Variants in PCDHA12 observed in about 807,000 individuals in gnomAD.
PCDHA12 encodes protocadherin alpha 12, also known as protocadherin alpha-12.
In PCDHA12, 44 loss-of-function variants were observed where a neutral mutation model predicts 60.0. The observed-to-expected ratio is 0.73, with a 90% confidence interval of 0.58 to 0.94. The LOEUF (loss-of-function observed/expected upper bound fraction) is 0.94, where lower values mean the gene tolerates loss of function less well. PCDHA12 is among the 40% of genes least tolerant of loss of function. The pLI is 0.00. For synonymous variants in PCDHA12, 569 were observed against 553.0 expected, an observed-to-expected ratio of 1.03 and a Z score of -0.40; for missense variants, 1,276 against 1,239.7, an observed-to-expected ratio of 1.03 and a Z score of -0.44.
intron 1 of PCDHA12, among the ~76,000 whole-genome samples, chr5:140,933,130 A>G (rs2088870055): frequency 6.6e-6 from 1 of 151,994 alleles, no homozygotes; most frequent in Non-Finnish European, 1.5e-5. Context: ...CTAAATAATA[A>G]AGGTAGATAG....
At position 140,878,940 on chromosome 5, in the gene PCDHA12, A is replaced by G. The variant is rs554609702; in HGVS notation, c.2367+1101A>G. ...CTTCAATCAATAATTTTAAATAAATATATGGTATTGAAATGTATTACCTGG... is the reference window on the plus strand; with the variant it reads ...CTTCAATCAATAATTTTAAATAAATGTATGGTATTGAAATGTATTACCTGG... On this transcript the variant is annotated intron_variant, in intron 1 of 3. Transcript: ENST00000398631. 9.8e-5 allele frequency among the ~76,000 whole-genome samples: 15 copies of G among 152,366 alleles called. No individual in the cohort carries two copies. In the East Asian group the frequency reaches 2.3e-3, roughly 23 times the overall value.
chr5:140,908,270 G>A (rs1554193271), intron 1 of PCDHA12, among the ~76,000 whole-genome samples: 1 of 152,154 alleles, frequency 6.6e-6, no homozygotes, highest in African/African-American at 2.4e-5. Context: ...AACTCCCCAT[G>A]AGGCCATTGT....
At chr5:140,936,662 CT>C (rs1337986057) in intron 1 of PCDHA12, among the ~76,000 whole-genome samples, 1 of 152,178 alleles carries the variant, frequency 6.6e-6, no homozygotes, top group Non-Finnish European at 1.5e-5. Context: ...TATTCTGTTT[CT>C]GGACTGTCTA....
At chr5:140,980,842 T>C (rs376646751) in intron 2 of PCDHA12, among the ~76,000 whole-genome samples, 2 of 152,328 alleles carry the variant, frequency 1.3e-5, no homozygotes, top group Non-Finnish European at 2.9e-5. Flanking sequence ...ACCTAAATAA[T>C]ACTAATCTTT....
chr5:140,920,583 C>A (rs1287573835), intron 1 of PCDHA12, among the ~76,000 whole-genome samples: 1 of 152,106 alleles, frequency 6.6e-6, no homozygotes, highest in African/African-American at 2.4e-5. Context: ...CAGTGGCTCA[C>A]GCCTGTAATC....
intron 1 of PCDHA12, chr5:140,882,774 C>T (rs782785084): frequency 1.2e-6 from 2 of 1,614,228 alleles, no homozygotes; most frequent in Non-Finnish European, 1.7e-6. Flanking sequence ...TCGGCATTGA[C>T]CTACCGACTG....
At chr5:140,909,870 C>T (rs2074741279) in intron 1 of PCDHA12, among the ~76,000 whole-genome samples, 1 of 152,206 alleles carries the variant, frequency 6.6e-6, no homozygotes. Context: ...GAGTCAACGT[C>T]AGCTTAGAGA....
chr5:140,982,488 G>C lies in PCDHA12; in HGVS notation c.2440G>C (p.Glu814Gln), dbSNP rs782419098. 3 of 1,614,212 alleles carry C rather than the reference G, an allele frequency of 1.9e-6. No individual in the cohort carries two copies. Among genetic ancestry groups the C allele is most frequent in the Non-Finnish European group, 2.5e-6 (3 of 1,180,036 alleles). The change falls in exon 3 of 4, where the codon GAG becomes CAG. Residue 814 changes from glutamate to glutamine, a missense_variant. Glu to Gln is a conservative substitution (Grantham distance 29). Coordinates refer to ENST00000398631, the MANE Select transcript of PCDHA12 (RefSeq NM_018903.4). ...RAGMHSSVHLEEAGILRAGPG... is the reference protein window; with the variant it reads ...RAGMHSSVHLQEAGILRAGPG... The stretch of plus-strand genomic sequence containing the variant: ...GTGTTTATTCAGCTCTGTGCACCTA[G>C]AGGAGGCTGGCATTCTACGGGCTGG...
chr5:140,930,824 T>C (rs545304113), intron 1 of PCDHA12, among the ~76,000 whole-genome samples: 16 of 152,342 alleles, frequency 1.1e-4, no homozygotes, highest in African/African-American at 3.8e-4. Context: ...TAGTAAATGC[T>C]GACTGAATGA....
chr5:140,980,981 A>G (rs1255751936), intron 2 of PCDHA12, among the ~76,000 whole-genome samples: 1 of 152,188 alleles, frequency 6.6e-6, no homozygotes, highest in Non-Finnish European at 1.5e-5. Context: ...GACTGAGCCC[A>G]CACAATTTGC....
At chr5:140,944,629 A>G (rs1371756120) in intron 1 of PCDHA12, among the ~76,000 whole-genome samples, 3 of 152,172 alleles carry the variant, frequency 2.0e-5, no homozygotes, top group African/African-American at 7.2e-5. Context: ...ATAGTGTTGT[A>G]AGCCAGTGTG....
At position 140,927,644 on chromosome 5, in the gene PCDHA12, T is replaced by C. The variant is rs370145398; in HGVS notation, c.2367+49805T>C. On this transcript the variant is annotated intron_variant, in intron 1 of 3. Coordinates refer to ENST00000398631, the MANE Select transcript of PCDHA12 (RefSeq NM_018903.4). The stretch of plus-strand genomic sequence containing the variant: ...CCAGAGACTGCACCCAATGGGACTG[T>C]GTTATTCCGAGTTCAAGCCTTGGAT... The C allele has an allele frequency of 4.6e-5, 74 of 1,614,028 alleles. 1 individual carries two copies. Among genetic ancestry groups the C allele is most frequent in the Non-Finnish European group, 5.8e-5 (68 of 1,180,020 alleles).
Position 140,883,198 on chromosome 5 carries a change from C to G in PCDHA12, c.2367+5359C>G, listed in dbSNP as rs145698462. 1.9e-6 allele frequency: 3 copies of G among 1,613,572 alleles called. No individual in the cohort carries two copies. Among genetic ancestry groups the G allele is most frequent in the Admixed American group, 1.7e-5 (1 of 59,932 alleles). On this transcript the variant is annotated intron_variant, in intron 1 of 3. Transcript: ENST00000398631. ...TTAGGACAAAAGGCAAACTAGATTT[C>G]GAAGAAAAGAAATTATATGAAATAT...
chr5:140,968,029 G>C (rs1554230214), intron 1 of PCDHA12: 4 of 1,614,170 alleles, frequency 2.5e-6, no homozygotes, highest in South Asian at 2.2e-5. Context: ...CCTATACACT[G>C]GTGGTGAGCG....
In PCDHA12 at chr5:140,876,231, A is replaced by G. The variant is rs1428769390; in HGVS notation, c.759A>G (p.Glu253=). 1 of 1,613,886 alleles carries G rather than the reference A, an allele frequency of 6.2e-7. No homozygotes were observed. The highest frequency in any genetic ancestry group is 1.3e-5 in the African/African-American group (1 of 74,916). Residue 253 remains glutamate (E), a synonymous_variant, in exon 1 of 4, where the codon GAA becomes GAG. Coordinates refer to ENST00000398631, the MANE Select transcript of PCDHA12 (RefSeq NM_018903.4). ...CCAGCTATAAAGTAGTGTTGTCTGA[A>G]AATGTCCAAAACGACACAAGAGTGA... The part of the protein sequence containing the change: ...DKPSYKVVLS[E]NVQNDTRVIQ...
chr5:140,941,461 G>A (rs1202773112), intron 1 of PCDHA12, among the ~76,000 whole-genome samples: 7 of 150,524 alleles, frequency 4.7e-5, no homozygotes, highest in Non-Finnish European at 7.4e-5. Context: ...GATTACAGGC[G>A]CCCACCACCA....
chr5:140,936,337 C>G (rs1226552278), intron 1 of PCDHA12, among the ~76,000 whole-genome samples: 17 of 152,160 alleles, frequency 1.1e-4, no homozygotes, highest in Non-Finnish European at 1.5e-5. Context: ...TTTTCTCTAT[C>G]TGCATATATG....
chr5:140,930,321 T>C (rs1166503889), intron 1 of PCDHA12: 7 of 152,186 alleles, frequency 4.6e-5, no homozygotes, highest in Non-Finnish European at 1.0e-4. Flanking sequence ...TTGAGAGTAA[T>C]GTATCTAATG....
At chr5:140,882,611 C>T in intron 1 of PCDHA12, 1 of 1,614,252 alleles carries the variant, frequency 6.2e-7, no homozygotes, top group Non-Finnish European at 8.5e-7. Context: ...CAGGCCTCTG[C>T]AGGTTTTCCA....
Sources: gnomAD v4.1 joint callset for allele counts (sites outside exome capture counted in the v4.1 genomes callset) on GRCh38, gnomAD v4.1.1 for gene constraint, MANE v1.5 for transcripts, NCBI Gene and HGNC (gene_info 2026-07-23, HGNC 2026-07-21) for gene names.